Variants in NEGR1 observed in about 807,000 individuals in gnomAD.
NEGR1 encodes the protein neuronal growth regulator 1.
NEGR1 carries 10 observed loss-of-function variants against 40.9 expected under a neutral mutation model. The observed-to-expected ratio is 0.24, with a 90% confidence interval of 0.15 to 0.42. The LOEUF is 0.42. Among genes scored for constraint, NEGR1 ranks in the 10% least tolerant of loss-of-function variants. The pLI is 1.00. For synonymous variants in NEGR1, 185 were observed against 166.8 expected, an observed-to-expected ratio of 1.11 and a Z score of -0.84; for missense variants, 352 against 438.9, an observed-to-expected ratio of 0.80 and a Z score of 1.77.
intron 4 of NEGR1, among the ~76,000 whole-genome samples, chr1:71,645,789 T>C (rs11209808): frequency 0.037 from 5,570 of 151,858 alleles, 132 homozygotes; most frequent in African/African-American, 0.072. Context: ...GAAAAATGGG[T>C]ATTAAATTTC....
chr1:71,961,609 A>T (rs750352508), intron 1 of NEGR1, among the ~76,000 whole-genome samples: 1 of 151,922 alleles, frequency 6.6e-6, no homozygotes, highest in Non-Finnish European at 1.5e-5. Context: ...AATCATTAAC[A>T]CAGGTGAAGC....
intron 6 of NEGR1, among the ~76,000 whole-genome samples, chr1:71,478,309 G>A (rs1312614456): frequency 6.6e-6 from 1 of 151,950 alleles, no homozygotes; most frequent in Non-Finnish European, 1.5e-5. Flanking sequence ...TCAGATCCTT[G>A]GCATGAAATT....
At chr1:71,945,313 A>G (rs763456859) in intron 1 of NEGR1, among the ~76,000 whole-genome samples, 10 of 152,162 alleles carry the variant, frequency 6.6e-5, no homozygotes, top group Non-Finnish European at 1.3e-4. Context: ...GAGGTGCATG[A>G]TAAGTATGCA....
intron 1 of NEGR1, among the ~76,000 whole-genome samples, chr1:72,093,540 T>C (rs539290834): frequency 4.6e-5 from 7 of 152,316 alleles, no homozygotes; most frequent in East Asian, 1.9e-4. Context: ...GTGGTCATTA[T>C]GTTCCTGTAA....
chr1:71,453,720 C>A (rs1646650267), intron 6 of NEGR1, among the ~76,000 whole-genome samples: 1 of 152,024 alleles, frequency 6.6e-6, no homozygotes, highest in Admixed American at 6.5e-5. Flanking sequence ...TTTTATACTG[C>A]AGAATTGTTT....
chr1:71,774,481 A>G (rs966898261), intron 3 of NEGR1, among the ~76,000 whole-genome samples: 3 of 152,170 alleles, frequency 2.0e-5, no homozygotes, highest in Non-Finnish European at 4.4e-5. Context: ...CATAATACCA[A>G]TACTAAGCAT....
chr1:71,624,596 T>C (rs1444029590), intron 4 of NEGR1, among the ~76,000 whole-genome samples: 2 of 152,002 alleles, frequency 1.3e-5, no homozygotes, highest in Non-Finnish European at 2.9e-5. Flanking sequence ...AATATTGGAC[T>C]ATTTCAAATT....
chr1:71,407,342 A>G lies in NEGR1; in HGVS notation c.*104T>C. ...AGAAGGCGATCATCCCCATGTAAGC[A>G]CTGCTGATTATATCCCACGCTGCTT... On this transcript the variant is annotated 3_prime_UTR_variant, in exon 7 of 7. Transcript: ENST00000357731. The G allele has an allele frequency of 1.0e-6, 1 of 976,790 alleles. No homozygotes were observed. Among genetic ancestry groups the G allele is most frequent in the South Asian group, 1.6e-5 (1 of 61,380 alleles). 60.5% of individuals were successfully genotyped at this position (976,790 alleles called of 1,614,324 possible).
At chr1:72,243,020 T>C (rs545019335) in intron 1 of NEGR1, among the ~76,000 whole-genome samples, 2 of 151,832 alleles carry the variant, frequency 1.3e-5, no homozygotes, top group African/African-American at 2.4e-5. Flanking sequence ...GACAGAATAA[T>C]AAAAAGTAAA....
At chr1:71,407,746 C>T (rs1193487324) in intron 6 of NEGR1, 176 bp from the exon 7 acceptor site, 3 of 547,466 alleles carry the variant, frequency 5.5e-6, no homozygotes, top group Non-Finnish European at 9.9e-6. Flanking sequence ...GCTAACTTCT[C>T]AGAGCTTCAG....
rs529842492 is a variant in NEGR1, at chr1:71,802,751, G to T, written c.410-26454C>A. On this transcript the variant is annotated intron_variant, in intron 2 of 6. Coordinates refer to ENST00000357731, the MANE Select transcript of NEGR1 (RefSeq NM_173808.3). ...GACTCATCATGTCTTTCTTCTTTCTGATTTCTCTCTCTTGGAATGGGAATG... is the reference window on the plus strand; with the variant it reads ...GACTCATCATGTCTTTCTTCTTTCTTATTTCTCTCTCTTGGAATGGGAATG... 2.0e-5 allele frequency among the ~76,000 whole-genome samples: 3 copies of T among 152,188 alleles called. No individual in the cohort carries two copies. In the South Asian group the frequency reaches 6.2e-4, roughly 32 times the overall value.
intron 6 of NEGR1, among the ~76,000 whole-genome samples, chr1:71,548,174 A>T (rs1647962650): frequency 6.6e-6 from 1 of 151,728 alleles, no homozygotes. Flanking sequence ...AGAAACGGAG[A>T]TATTATGTTT....
At chr1:71,675,028 T>C (rs10889926) in intron 4 of NEGR1, among the ~76,000 whole-genome samples, 145,211 of 147,708 alleles carry the variant, frequency 0.98, 71,417 homozygotes, top group Middle Eastern at 1. Context: ...ATGTTGTATA[T>C]ATTGCATAAA....
At position 71,863,585 on chromosome 1, in the gene NEGR1, G is replaced by A. The variant is rs1456125172; in HGVS notation, c.409+71494C>T. Among the ~76,000 whole-genome samples, 5 of 152,106 alleles carry A rather than the reference G, an allele frequency of 3.3e-5. No individual in the cohort carries two copies. The South Asian group carries it at 8.3e-4, about 25-fold the overall frequency. Reference sequence around the variant, plus strand: ...TAACAAAACTGCATATCCTGAACACGTACCCTGGAACTTTAAATAAAAGAT... The same window carrying A: ...TAACAAAACTGCATATCCTGAACACATACCCTGGAACTTTAAATAAAAGAT... On this transcript the variant is annotated intron_variant, in intron 2 of 6. Transcript: ENST00000357731.
intron 1 of NEGR1, among the ~76,000 whole-genome samples, chr1:72,212,819 C>T (rs895788995): frequency 6.6e-6 from 1 of 151,792 alleles, no homozygotes; most frequent in Non-Finnish European, 1.5e-5. Flanking sequence ...ACTTCATAAG[C>T]CAGCAACATT....
intron 1 of NEGR1, among the ~76,000 whole-genome samples, chr1:72,117,560 G>C (rs1275324198): frequency 6.6e-6 from 1 of 151,718 alleles, no homozygotes; most frequent in Admixed American, 6.6e-5. Flanking sequence ...AAATCCAGTG[G>C]TGCCTGGACA....
intron 1 of NEGR1, among the ~76,000 whole-genome samples, chr1:72,212,269 C>T (rs915727126): frequency 6.6e-6 from 1 of 151,846 alleles, no homozygotes; most frequent in Admixed American, 6.6e-5. Context: ...ATCTTTTTGC[C>T]TATATAATAC....
At chr1:71,556,734 G>A (rs908231089) in intron 6 of NEGR1, among the ~76,000 whole-genome samples, 10 of 151,420 alleles carry the variant, frequency 6.6e-5, no homozygotes, top group Non-Finnish European at 1.0e-4. Context: ...AAGAAAGAGA[G>A]AGGGAGATTT....
chr1:71,701,287 G>A (rs927832213), intron 3 of NEGR1, among the ~76,000 whole-genome samples: 3 of 151,846 alleles, frequency 2.0e-5, no homozygotes, highest in Non-Finnish European at 4.4e-5. Flanking sequence ...AGGTTGTAGG[G>A]AGAATTAAGT....
Sources: gnomAD v4.1 joint callset for allele counts (sites outside exome capture counted in the v4.1 genomes callset) on GRCh38, gnomAD v4.1.1 for gene constraint, MANE v1.5 for transcripts, NCBI Gene and HGNC (gene_info 2026-07-23, HGNC 2026-07-21) for gene names.